The following RGS6 variants were observed in gnomAD, a reference collection of about 807,000 sequenced individuals.
The protein encoded by RGS6 is regulator of G protein signaling 6, also known as regulator of G-protein signaling 6.
A neutral mutation model predicts 78.5 loss-of-function variants in RGS6; 30 were observed. The observed-to-expected ratio is 0.38, with a 90% CI of 0.29 to 0.52. The LOEUF (loss-of-function observed/expected upper bound fraction) is 0.52. Among genes scored for constraint, RGS6 ranks in the 20% least tolerant of loss-of-function variants. The pLI is 0.85. For synonymous variants in RGS6, 206 were observed against 206.0 expected (o/e 1.00, Z 0.00); for missense variants, 495 against 609.7 (o/e 0.81, Z 1.98).
the RGS6 span, among the ~76,000 whole-genome samples, chr14:72,585,393 G>A: frequency 6.6e-6 from 1 of 152,282 alleles, no homozygotes; most frequent in South Asian, 2.1e-4. Flanking sequence ...ATAATGAGGT[G>A]TATTAGAAAG....
intron 2 of RGS6, among the ~76,000 whole-genome samples, chr14:72,062,269 A>T (rs1476455955): frequency 6.6e-6 from 1 of 152,236 alleles, no homozygotes; most frequent in Non-Finnish European, 1.5e-5. Context: ...TGTTTGAAGA[A>T]CAGCAAAGAG....
At chr14:72,080,977 CTCA>C (rs1292260916) in intron 2 of RGS6, among the ~76,000 whole-genome samples, 1 of 152,042 alleles carries the variant, frequency 6.6e-6, no homozygotes, top group Non-Finnish European at 1.5e-5. Context: ...GTTCTTTTTG[CTCA>C]AGATTGCTTG....
At chr14:71,951,196 G>A (rs1256257098) in intron 1 of RGS6, among the ~76,000 whole-genome samples, 2 of 152,074 alleles carry the variant, frequency 1.3e-5, no homozygotes, top group Admixed American at 1.3e-4. Context: ...AGAAAATATG[G>A]TAATATACAC....
At chr14:71,877,241 G>A in the RGS6 span, among the ~76,000 whole-genome samples, 1 of 152,312 alleles carries the variant, frequency 6.6e-6, no homozygotes, top group East Asian at 1.9e-4. Context: ...GGTTGGAGAA[G>A]TTCTCCTGGA....
At chr14:71,913,122 T>C in the RGS6 span, among the ~76,000 whole-genome samples, 1 of 152,172 alleles carries the variant, frequency 6.6e-6, no homozygotes, top group Non-Finnish European at 1.5e-5. Context: ...CCACCGCGCC[T>C]GGCCTACAGT....
chr14:72,594,597 G>A, the RGS6 span: 1 of 152,172 alleles, frequency 6.6e-6, no homozygotes, highest in Non-Finnish European at 1.5e-5. Flanking sequence ...AAAACTTTTT[G>A]CTGGTTACCC....
chr14:72,180,091 A>G (rs926434163), intron 2 of RGS6, among the ~76,000 whole-genome samples: 5 of 152,188 alleles, frequency 3.3e-5, no homozygotes, highest in Non-Finnish European at 5.9e-5. Flanking sequence ...AGGAAGTTTG[A>G]GCCTTTACTG....
chr14:72,225,552 C>T (rs1390230794), intron 2 of RGS6, among the ~76,000 whole-genome samples: 1 of 152,144 alleles, frequency 6.6e-6, no homozygotes, highest in East Asian at 1.9e-4. Flanking sequence ...TGGTCTTGAA[C>T]TCCTGGGCTC....
chr14:72,026,374 T>A (rs1295283949), intron 2 of RGS6, among the ~76,000 whole-genome samples: 1 of 151,964 alleles, frequency 6.6e-6, no homozygotes, highest in East Asian at 1.9e-4. Context: ...GCCACTGCAC[T>A]CTAGCCTGGG....
At chr14:72,574,999 G>A in the RGS6 span, among the ~76,000 whole-genome samples, 1 of 152,208 alleles carries the variant, frequency 6.6e-6, no homozygotes, top group African/African-American at 2.4e-5. Flanking sequence ...GTTGGAAAGG[G>A]AGAGGTGGGT....
intron 2 of RGS6, among the ~76,000 whole-genome samples, chr14:72,182,807 G>C (rs779651162): frequency 3.9e-5 from 6 of 152,196 alleles, no homozygotes; most frequent in Non-Finnish European, 8.8e-5. Flanking sequence ...TTTGGTTAAA[G>C]GTTTGAATGG....
chr14:72,473,103 T>A, intron 9 of RGS6, 150 bp downstream of exon 9: 1 of 557,040 alleles, frequency 1.8e-6, no homozygotes, highest in Admixed American at 3.3e-5. Flanking sequence ...TTCATTTATA[T>A]AATCTCAGTA....
At chr14:72,603,130 G>T in the RGS6 span, among the ~76,000 whole-genome samples, 1 of 152,086 alleles carries the variant, frequency 6.6e-6, no homozygotes, top group Non-Finnish European at 1.5e-5. Flanking sequence ...TAAGAAGAAA[G>T]TTGGCCATTT....
At chr14:72,475,495 C>T (rs1334276811) in intron 10 of RGS6, among the ~76,000 whole-genome samples, 8 of 152,016 alleles carry the variant, frequency 5.3e-5, no homozygotes, top group South Asian at 2.1e-4. Flanking sequence ...CTTGGGAGGC[C>T]GAGGTGGGCG....
chr14:72,359,842 T>C (rs2529457), intron 3 of RGS6, among the ~76,000 whole-genome samples: 79,697 of 152,044 alleles, frequency 0.52, 23,201 homozygotes, highest in African/African-American at 0.79. Context: ...CCTTTAGCAA[T>C]GCTGAATTCA....
intron 2 of RGS6, among the ~76,000 whole-genome samples, chr14:72,278,345 G>A (rs1420301901): frequency 2.6e-5 from 4 of 152,188 alleles, no homozygotes; most frequent in Admixed American, 6.5e-5. Flanking sequence ...GGTTTGGGGA[G>A]GCAGATGAGA....
intron 2 of RGS6, among the ~76,000 whole-genome samples, chr14:72,202,078 ATCC>A (rs1462129266): frequency 3.3e-5 from 5 of 152,234 alleles, no homozygotes; most frequent in East Asian, 1.9e-4. Flanking sequence ...GAAATCCAAT[ATCC>A]TCCTCTTCAT....
chr14:72,502,365 C>T (rs2096737990), intron 13 of RGS6, among the ~76,000 whole-genome samples: 2 of 152,182 alleles, frequency 1.3e-5, no homozygotes, highest in African/African-American at 4.8e-5. Flanking sequence ...CCATGTGATC[C>T]CCAAGTGAGA....
At chr14:72,000,333 A>G (rs1290145066) in intron 2 of RGS6, among the ~76,000 whole-genome samples, 1 of 152,150 alleles carries the variant, frequency 6.6e-6, no homozygotes, top group African/African-American at 2.4e-5. Context: ...CTTTGATGGG[A>G]AGAGATGAAA....
Sources: allele counts gnomAD v4.1 joint callset (sites outside exome capture counted in the v4.1 genomes callset), GRCh38; gene constraint gnomAD v4.1.1; transcripts MANE v1.5; gene names NCBI Gene and HGNC (gene_info 2026-07-23, HGNC 2026-07-21).